The following THNSL1 variants were observed in gnomAD, a reference collection of about 807,000 sequenced individuals.
The protein encoded by THNSL1 is threonine synthase-like 1.
THNSL1 carries 48 observed loss-of-function variants against 50.4 expected under a neutral mutation model. The observed-to-expected ratio is 0.95, with a 90% CI of 0.76 to 1.21. The LOEUF (loss-of-function observed/expected upper bound fraction) is 1.21, where lower values mean the gene tolerates loss of function less well. Ranked by LOEUF, THNSL1 falls within the 50% of genes most tolerant of loss-of-function variation. THNSL1 has a pLI of 0.00. For missense variants in THNSL1, 896 were observed against 871.7 expected, an observed-to-expected ratio of 1.03 and a Z score of -0.35; for synonymous variants, 309 against 306.1, an observed-to-expected ratio of 1.01 and a Z score of -0.10.
At chr10:25,016,182 T>C (rs1850567524), upstream of THNSL1, 2 of 1,181,948 alleles carry the variant, frequency 1.7e-6, no homozygotes, top group African/African-American at 1.6e-5. Context: ...AAACCGTTAC[T>C]AGGCAACGAG....
chr10:24,968,535 A>C, the THNSL1 span, among the ~76,000 whole-genome samples: 1 of 152,112 alleles, frequency 6.6e-6, no homozygotes, highest in African/African-American at 2.4e-5. Context: ...TGCCGTACTT[A>C]GACCTGCCTT....
upstream of THNSL1, among the ~76,000 whole-genome samples, chr10:25,013,550 T>A (rs889236019): frequency 6.6e-6 from 1 of 152,220 alleles, no homozygotes; most frequent in African/African-American, 2.4e-5. Context: ...GGAAAGGAGA[T>A]AATGGTTTCA....
chr10:24,988,296 GTATA>G, the THNSL1 span, among the ~76,000 whole-genome samples: 3 of 139,258 alleles, frequency 2.2e-5, no homozygotes, highest in Non-Finnish European at 4.6e-5. Context: ...ATTTATATAT[GTATA>G]TATATTTATA....
At chr10:24,995,648 T>C in the THNSL1 span, 18 of 1,608,168 alleles carry the variant, frequency 1.1e-5, no homozygotes, top group Middle Eastern at 8.3e-4. Flanking sequence ...AAGGCTACCT[T>C]TTTATTGATG....
At chr10:24,972,163 G>T in the THNSL1 span, among the ~76,000 whole-genome samples, 10 of 151,338 alleles carry the variant, frequency 6.6e-5, no homozygotes, top group South Asian at 6.3e-4. Flanking sequence ...TTGCACTCCA[G>T]CCTGGGTGAC....
the THNSL1 span, among the ~76,000 whole-genome samples, chr10:24,961,549 G>A: frequency 1.3e-5 from 2 of 150,974 alleles, no homozygotes; most frequent in African/African-American, 4.9e-5. Flanking sequence ...TTTTTTCAAT[G>A]GAAGAATACA....
At chr10:24,974,652 G>T in the THNSL1 span, among the ~76,000 whole-genome samples, 2 of 152,118 alleles carry the variant, frequency 1.3e-5, no homozygotes, top group Non-Finnish European at 2.9e-5. Context: ...AAAATATAAT[G>T]GTCAGTTGTC....
chr10:25,014,971 G>T (rs538889721), upstream of THNSL1, among the ~76,000 whole-genome samples: 9 of 152,310 alleles, frequency 5.9e-5, no homozygotes, highest in African/African-American at 2.2e-4. Context: ...TTATTCTAAA[G>T]TTCACAAAGA....
chr10:24,958,706 C>T, the THNSL1 span, among the ~76,000 whole-genome samples: 1 of 152,166 alleles, frequency 6.6e-6, no homozygotes, highest in Non-Finnish European at 1.5e-5. Flanking sequence ...ATTACACTTT[C>T]GTTAGTAATT....
At chr10:24,990,380 T>A in the THNSL1 span, 1 of 1,501,652 alleles carries the variant, frequency 6.7e-7, no homozygotes, top group Non-Finnish European at 8.9e-7. Context: ...AAGTGCTGAC[T>A]TTAATCATCA....
the THNSL1 span, among the ~76,000 whole-genome samples, chr10:24,968,205 G>T: frequency 6.6e-6 from 1 of 152,058 alleles, no homozygotes; most frequent in Non-Finnish European, 1.5e-5. Context: ...AGGGAGCAAG[G>T]TTTTCCCAGG....
chr10:25,023,148 T>C, intron 2 of THNSL1, 28 bp from the exon 3 acceptor site: 1 of 1,433,900 alleles, frequency 7.0e-7, no homozygotes. Context: ...TCTTTTGTTG[T>C]TTTTTGTTTG....
chr10:24,996,144 T>C, the THNSL1 span, among the ~76,000 whole-genome samples: 2 of 152,310 alleles, frequency 1.3e-5, no homozygotes, highest in African/African-American at 2.4e-5. Flanking sequence ...AAGGGCAACA[T>C]AATCAATTAA....
the THNSL1 span, among the ~76,000 whole-genome samples, chr10:24,988,215 CT>C: frequency 1.5e-4 from 22 of 143,178 alleles, no homozygotes; most frequent in African/African-American, 5.2e-4. Flanking sequence ...CAGAGCAAGA[CT>C]TCATCTCAAA....
At chr10:24,995,634 C>A in the THNSL1 span, 7 of 1,603,208 alleles carry the variant, frequency 4.4e-6, no homozygotes, top group Non-Finnish European at 6.0e-6. Flanking sequence ...TATTAATATA[C>A]CACAAGGCTA....
At chr10:25,018,659 G>GTT (rs374289213) in intron 1 of THNSL1, among the ~76,000 whole-genome samples, 6,311 of 93,212 alleles carry the variant, frequency 0.068, 359 homozygotes, top group African/African-American at 0.094. Flanking sequence ...AATGAGAGTT[G>GTT]TTTTTTTTTT....
chr10:24,963,354 T>C, the THNSL1 span, among the ~76,000 whole-genome samples: 1 of 152,248 alleles, frequency 6.6e-6, no homozygotes, highest in African/African-American at 2.4e-5. Flanking sequence ...GTATTCTTTT[T>C]CGACATTTAT....
Position 25,024,313 on chromosome 10 carries a change from C to T in THNSL1, c.1090C>T (p.His364Tyr), listed in dbSNP as rs779129050. 2 of 1,614,190 alleles carry T rather than the reference C, an allele frequency of 1.2e-6. No individual in the cohort carries two copies. The highest frequency in any genetic ancestry group is 2.2e-5 in the East Asian group (1 of 44,882). The change falls in exon 3 of 3, where the codon CAC becomes TAC. Residue 364 changes from histidine to tyrosine, a missense_variant. Physicochemically the swap from His to Tyr is moderately conservative, Grantham distance 83. Transcript: ENST00000376356. ...SLQLMPHIFA[H>Y]CIPPSCNYMI... is the part of the protein sequence containing the mutation. ...ACAGCTTATGCCTCATATTTTTGCA[C>T]ACTGTATCCCACCAAGTTGCAATTA...
chr10:24,990,844 A>G, the THNSL1 span, among the ~76,000 whole-genome samples: 3 of 152,002 alleles, frequency 2.0e-5, no homozygotes, highest in South Asian at 4.1e-4. Flanking sequence ...CTGTAATCCC[A>G]GCACTTTGGG....
Sources: gnomAD v4.1 joint callset for allele counts (sites outside exome capture counted in the v4.1 genomes callset) on GRCh38, gnomAD v4.1.1 for gene constraint, MANE v1.5 for transcripts, NCBI Gene and HGNC (gene_info 2026-07-23, HGNC 2026-07-21) for gene names.